ABHD3: variants seen among roughly 807,000 people sequenced by gnomAD.
The protein encoded by ABHD3 is phospholipase ABHD3.
In ABHD3, 46 loss-of-function variants were observed where a neutral mutation model predicts 48.8. The observed-to-expected ratio is 0.94, with a 90% CI of 0.74 to 1.20. The LOEUF is 1.20. Ranked by LOEUF, ABHD3 falls within the 50% of genes most tolerant of loss-of-function variation. The probability of loss-of-function intolerance (pLI) is 0.00; values close to 1 mark genes in which losing one functional copy is unlikely to be tolerated. For synonymous variants in ABHD3, 192 were observed against 183.7 expected, an observed-to-expected ratio of 1.04 and a Z score of -0.36; for missense variants, 490 against 497.8, an observed-to-expected ratio of 0.98 and a Z score of 0.15.
At chr18:21,700,827 C>CAA (rs375239917) in intron 3 of ABHD3, among the ~76,000 whole-genome samples, 16,873 of 93,816 alleles carry the variant, frequency 0.18, 1,744 homozygotes, top group Non-Finnish European at 0.25. Flanking sequence ...AAGTTTTAGC[C>CAA]AAAAAAAAAA....
rs1046643569 is a variant in ABHD3 at position 21,704,621 on chromosome 18, G to A, written c.45C>T (p.Leu15=). ...AMDLRMLSRE[L]SLYLEHQVRV... ...GGACTTGGTGTTCCAGGTAGAGGGA[G>A]AGCTCCCGGGACAACATCCGCAGGT... The change falls in exon 1 of 9, where the codon CTC becomes CTT. Residue 15 remains leucine, a synonymous_variant. Transcript: ENST00000289119. The A allele has an allele frequency of 1.3e-6, 2 of 1,550,748 alleles. No homozygotes were observed. The highest frequency in any genetic ancestry group is 1.7e-6 in the Non-Finnish European group (2 of 1,151,374).
intron 4 of ABHD3, among the ~76,000 whole-genome samples, chr18:21,668,210 A>AAAAAG (rs1339428095): frequency 6.7e-6 from 1 of 150,010 alleles, no homozygotes; most frequent in Non-Finnish European, 1.5e-5. Context: ...CAAAAAAAAA[A>AAAAAG]AAAAAAAAAA....
rs776864825 is a variant in ABHD3 at position 21,659,276 on chromosome 18, A to G, written c.736T>C (p.Ser246Pro). The G allele has an allele frequency of 6.2e-7, 1 of 1,613,514 alleles. No homozygotes were observed. Among genetic ancestry groups the G allele is most frequent in the Non-Finnish European group, 8.5e-7 (1 of 1,179,778 alleles). Residue 246 changes from serine to proline, a missense_variant, in exon 6 of 9, where the codon TCC (serine) becomes CCC (proline). Physicochemically the swap from Ser to Pro is moderately conservative, Grantham distance 74. Coordinates refer to ENST00000289119, the MANE Select transcript of ABHD3 (RefSeq NM_138340.5). ...KTPLMAAATF[S>P]VGWNTFACSE... ...CAAGCGAAGGTGTTCCAACCAACGG[A>G]AAAAGTTGCAGCTGCCATCAAAGGC...
intron 4 of ABHD3, among the ~76,000 whole-genome samples, chr18:21,670,025 G>T (rs1396252296): frequency 6.6e-6 from 1 of 152,160 alleles, no homozygotes; most frequent in Non-Finnish European, 1.5e-5. Context: ...GGGCAACTGG[G>T]ACTCAAGTCC....
chr18:21,666,244 A>G (rs1332373935), intron 4 of ABHD3, among the ~76,000 whole-genome samples: 1 of 151,854 alleles, frequency 6.6e-6, no homozygotes, highest in African/African-American at 2.4e-5. Flanking sequence ...GCCAGGATGG[A>G]GTGCTGTGGC....
chr18:21,670,168 C>T (rs1046718611), intron 4 of ABHD3, among the ~76,000 whole-genome samples: 4 of 152,142 alleles, frequency 2.6e-5, no homozygotes, highest in African/African-American at 9.7e-5. Flanking sequence ...CGCCCCGGTA[C>T]TTCTGGTCTG....
chr18:21,673,676 G>C (rs2039809333), intron 4 of ABHD3: 1 of 152,190 alleles, frequency 6.6e-6, no homozygotes, highest in Non-Finnish European at 1.5e-5. Flanking sequence ...GGCAGTCTCG[G>C]CTCACTGCAA....
At chr18:21,693,099 G>A (rs1046769375) in intron 3 of ABHD3, among the ~76,000 whole-genome samples, 11 of 152,080 alleles carry the variant, frequency 7.2e-5, no homozygotes, top group African/African-American at 2.2e-4. Context: ...CATCTTCTTC[G>A]TATTAATAAC....
intron 3 of ABHD3, chr18:21,701,724 AAAAATT>A (rs1309221079): frequency 6.6e-6 from 1 of 152,202 alleles, no homozygotes; most frequent in Non-Finnish European, 1.5e-5. Flanking sequence ...ATCACTTGCA[AAAAATT>A]AAATTGTACC....
At chr18:21,685,949 C>T (rs1367817801) in intron 3 of ABHD3, among the ~76,000 whole-genome samples, 2 of 152,234 alleles carry the variant, frequency 1.3e-5, no homozygotes, top group African/African-American at 2.4e-5. Flanking sequence ...CTGTCTGCCT[C>T]GGCCTCTCAA....
At chr18:21,692,861 A>G (rs2040283290) in intron 3 of ABHD3, among the ~76,000 whole-genome samples, 1 of 152,188 alleles carries the variant, frequency 6.6e-6, no homozygotes, top group Non-Finnish European at 1.5e-5. Context: ...GCCCTATTTA[A>G]TAAGCAAAGT....
intron 3 of ABHD3, among the ~76,000 whole-genome samples, chr18:21,687,994 G>A (rs1290981810): frequency 2.6e-5 from 4 of 152,142 alleles, no homozygotes; most frequent in Non-Finnish European, 4.4e-5. Flanking sequence ...GGGGAAAAAC[G>A]GCCCCTAGGA....
At chr18:21,654,490 G>A (rs192538833) in intron 8 of ABHD3, among the ~76,000 whole-genome samples, 2 of 152,252 alleles carry the variant, frequency 1.3e-5, no homozygotes, top group African/African-American at 4.8e-5. Flanking sequence ...ATCAAAAAGT[G>A]GTCCTGAGTT....
At chr18:21,671,580 C>T (rs535341087) in intron 4 of ABHD3, among the ~76,000 whole-genome samples, 10 of 151,876 alleles carry the variant, frequency 6.6e-5, no homozygotes, top group African/African-American at 1.4e-4. Flanking sequence ...AGAAGAGAGA[C>T]GAAGGAAGAC....
At chr18:21,662,816 C>T (rs752538802) in intron 5 of ABHD3, among the ~76,000 whole-genome samples, 1 of 152,178 alleles carries the variant, frequency 6.6e-6, no homozygotes, top group Admixed American at 6.5e-5. Context: ...GGCTTCAATG[C>T]GGCACGAATA....
At chr18:21,673,190 G>A (rs979124733) in intron 4 of ABHD3, among the ~76,000 whole-genome samples, 2 of 152,158 alleles carry the variant, frequency 1.3e-5, no homozygotes, top group Non-Finnish European at 2.9e-5. Context: ...TTTCAGCCCT[G>A]TTTGTACATT....
intron 3 of ABHD3, among the ~76,000 whole-genome samples, chr18:21,696,876 C>T (rs1164433469): frequency 6.6e-6 from 1 of 151,882 alleles, no homozygotes; most frequent in African/African-American, 2.4e-5. Flanking sequence ...GCATTCCTGG[C>T]CTCTCTTATT....
intron 4 of ABHD3, chr18:21,664,436 A>C (rs1048878659): frequency 8.1e-6 from 4 of 495,146 alleles, no homozygotes; most frequent in African/African-American, 2.0e-5. Flanking sequence ...AGTTGGCACT[A>C]ACAAAAAGAC....
Position 21,703,763 on chromosome 18 carries a change from G to C in ABHD3, c.163-16C>G. On this transcript the variant is annotated splice_polypyrimidine_tract_variant and intron_variant, in intron 1 of 8. Transcript: ENST00000289119. ...ACTGGGGTTTCTGAAGGGAAAAGCAGTATCAGAGAAGGGCCCAGAGCAAAG... is the reference window on the plus strand; with the variant it reads ...ACTGGGGTTTCTGAAGGGAAAAGCACTATCAGAGAAGGGCCCAGAGCAAAG... The C allele has an allele frequency of 6.2e-7, 1 of 1,610,546 alleles. No individual in the cohort carries two copies. Among genetic ancestry groups the C allele is most frequent in the Non-Finnish European group, 8.5e-7 (1 of 1,177,302 alleles).
Sources: allele counts gnomAD v4.1 joint callset (sites outside exome capture counted in the v4.1 genomes callset), GRCh38; gene constraint gnomAD v4.1.1; transcripts MANE v1.5; gene names NCBI Gene and HGNC (gene_info 2026-07-23, HGNC 2026-07-21).